Variants in SNTG1 observed in about 807,000 individuals in gnomAD.
SNTG1 encodes gamma-1-syntrophin.
Under a neutral mutation model 74.7 loss-of-function variants are expected in SNTG1, and 39 were observed. That is an observed-to-expected ratio of 0.52 (90% confidence interval 0.40 to 0.68). SNTG1 has a LOEUF of 0.68. SNTG1 is among the 30% of genes least tolerant of loss of function. The pLI, the probability that SNTG1 is intolerant of heterozygous loss-of-function variation, is 0.00. For missense variants in SNTG1, 685 were observed against 609.5 expected (o/e 1.12, Z -1.30); for synonymous variants, 254 against 217.1 (o/e 1.17, Z -1.49).
At chr8:50,581,434 G>T (rs2094609092) in intron 12 of SNTG1, among the ~76,000 whole-genome samples, 3 of 152,024 alleles carry the variant, frequency 2.0e-5, no homozygotes, top group Admixed American at 6.6e-5. Context: ...ATTTTCTACT[G>T]ATACTTCAGA....
intron 1 of SNTG1, among the ~76,000 whole-genome samples, chr8:50,054,564 C>T (rs969351720): frequency 6.6e-6 from 1 of 152,104 alleles, no homozygotes; most frequent in Non-Finnish European, 1.5e-5. Context: ...AATGTTCCTT[C>T]TCATGAGAGC....
intron 13 of SNTG1, among the ~76,000 whole-genome samples, chr8:50,609,758 TAATC>T (rs1253265666): frequency 6.6e-6 from 1 of 152,122 alleles, no homozygotes; most frequent in Admixed American, 6.5e-5. Flanking sequence ...TAATTTCTAT[TAATC>T]TATCTTTTAG....
At chr8:50,064,446 A>G (rs998585756) in intron 1 of SNTG1, among the ~76,000 whole-genome samples, 1 of 152,120 alleles carries the variant, frequency 6.6e-6, no homozygotes, top group African/African-American at 2.4e-5. Flanking sequence ...AGATTTGTAC[A>G]TTCATCTCCT....
At chr8:50,300,127 C>A (rs1156610986) in intron 2 of SNTG1, among the ~76,000 whole-genome samples, 1 of 152,046 alleles carries the variant, frequency 6.6e-6, no homozygotes, top group Non-Finnish European at 1.5e-5. Context: ...CAATAATCTG[C>A]CCAAGTTTGC....
chr8:50,536,370 T>C (rs2094307330), intron 10 of SNTG1, among the ~76,000 whole-genome samples: 2 of 152,208 alleles, frequency 1.3e-5, no homozygotes, highest in African/African-American at 2.4e-5. Context: ...CTTTTTCCAT[T>C]CTTGAATAAA....
chr8:50,705,046 T>C (rs920870932), intron 16 of SNTG1, among the ~76,000 whole-genome samples: 2 of 152,206 alleles, frequency 1.3e-5, no homozygotes, highest in African/African-American at 4.8e-5. Context: ...AATACTCTGA[T>C]TTAATGAATT....
intron 13 of SNTG1, among the ~76,000 whole-genome samples, chr8:50,601,307 TTTA>T (rs1284939620): frequency 6.6e-6 from 1 of 152,000 alleles, no homozygotes; most frequent in African/African-American, 2.4e-5. Flanking sequence ...TCCCATAGGT[TTTA>T]TTATGTTGTG....
At chr8:50,112,884 T>C (rs1446439317) in intron 1 of SNTG1, among the ~76,000 whole-genome samples, 1 of 152,164 alleles carries the variant, frequency 6.6e-6, no homozygotes, top group East Asian at 1.9e-4. Context: ...GTCAGGTTTG[T>C]CAAAAATCAG....
chr8:50,589,281 A>G (rs924715499), intron 12 of SNTG1, among the ~76,000 whole-genome samples: 1 of 152,214 alleles, frequency 6.6e-6, no homozygotes, highest in African/African-American at 2.4e-5. Context: ...ACAAAAAATT[A>G]TAATATAACA....
rs541082427 is a variant in SNTG1, at chr8:50,433,896, T to A, written c.163-4647T>A. 5.5e-4 allele frequency among the ~76,000 whole-genome samples: 84 copies of A among 152,312 alleles called. 2 individuals carry two copies. The South Asian group carries it at 0.017, about 30-fold the overall frequency. On this transcript the variant is annotated intron_variant, in intron 4 of 18. Coordinates refer to ENST00000642720, the MANE Select transcript of SNTG1 (RefSeq NM_018967.5). ...TACACATAGTAGATTTTTATTTATT[T>A]TTTATTATTATACGTTAAGTTCTAG...
At chr8:50,001,415 G>A (rs967509972) in intron 1 of SNTG1, among the ~76,000 whole-genome samples, 11 of 152,120 alleles carry the variant, frequency 7.2e-5, no homozygotes, top group African/African-American at 2.7e-4. Context: ...TGAACTGCTA[G>A]AAACTATATT....
At chr8:50,548,533 C>G (rs1418268314) in intron 11 of SNTG1, among the ~76,000 whole-genome samples, 1 of 152,054 alleles carries the variant, frequency 6.6e-6, no homozygotes, top group Non-Finnish European at 1.5e-5. Context: ...GTTTTTGTTT[C>G]TTACTTACAG....
rs936025134 is a variant in SNTG1 at position 50,794,264 on chromosome 8, A to G, written c.*1435A>G. ...TTTTTAAAAATCACTCAAGAAGGAA[A>G]CAAAGTGATTTCTATAAAGGACAGA... On this transcript the variant is annotated 3_prime_UTR_variant, in exon 19 of 19. Transcript: ENST00000642720. The G allele has an allele frequency of 3.3e-5, 5 of 151,910 alleles. No homozygotes were observed. Among genetic ancestry groups the G allele is most frequent in the Non-Finnish European group, 4.4e-5 (3 of 67,900 alleles). The allele number at this position is 151,910 out of a possible 1,614,324, so 9.4% of individuals were successfully genotyped here. A position where few individuals can be genotyped will look rare whatever the true frequency, so the allele number is the denominator to read the frequency against.
intron 2 of SNTG1, among the ~76,000 whole-genome samples, chr8:50,358,882 TG>T (rs2091887595): frequency 6.6e-6 from 1 of 152,306 alleles, no homozygotes; most frequent in South Asian, 2.1e-4. Flanking sequence ...TACTTGAAAT[TG>T]TCATTTCTTA....
At chr8:50,409,730 G>A (rs2092923860) in intron 4 of SNTG1, among the ~76,000 whole-genome samples, 1 of 152,172 alleles carries the variant, frequency 6.6e-6, no homozygotes, top group Admixed American at 6.6e-5. Context: ...GGCCCTGAAG[G>A]AAAATTAAAT....
chr8:50,165,144 A>G (rs2082568786), intron 1 of SNTG1, among the ~76,000 whole-genome samples: 1 of 152,184 alleles, frequency 6.6e-6, no homozygotes. Context: ...TGAGCTTCAC[A>G]GGCATAGCTT....
At chr8:50,790,566 C>T (rs1426376012) in intron 18 of SNTG1, among the ~76,000 whole-genome samples, 3 of 151,814 alleles carry the variant, frequency 2.0e-5, no homozygotes, top group Non-Finnish European at 4.4e-5. Flanking sequence ...TGTGAGTTTA[C>T]ATAAAAGGAA....
intron 18 of SNTG1, among the ~76,000 whole-genome samples, chr8:50,774,658 A>G (rs2095635495): frequency 6.6e-6 from 1 of 151,848 alleles, no homozygotes; most frequent in Admixed American, 6.6e-5. Context: ...AGGTAAATAC[A>G]TAATTCAATA....
At chr8:50,738,843 GA>G (rs1245906048) in intron 17 of SNTG1, among the ~76,000 whole-genome samples, 1 of 151,534 alleles carries the variant, frequency 6.6e-6, no homozygotes, top group Non-Finnish European at 1.5e-5. Flanking sequence ...ATGGTGCTAG[GA>G]AAACTGGCTA....
Sources: allele counts gnomAD v4.1 joint callset (sites outside exome capture counted in the v4.1 genomes callset), GRCh38; gene constraint gnomAD v4.1.1; transcripts MANE v1.5; gene names NCBI Gene and HGNC (gene_info 2026-07-23, HGNC 2026-07-21).